ACTL8: variants seen among roughly 807,000 people sequenced by gnomAD.
ACTL8 encodes actin like 8, also known as actin-like protein 8.
In ACTL8, 3 loss-of-function variants were observed where a neutral mutation model predicts 9.3. The observed-to-expected ratio is 0.32, with a 90% CI of 0.15 to 0.83. ACTL8 has a LOEUF of 0.83. Ranked by LOEUF, ACTL8 falls within the 40% of genes least tolerant of loss-of-function variation. The pLI, the probability that ACTL8 is intolerant of heterozygous loss-of-function variation, is 0.57. For missense variants in ACTL8, 381 were observed against 492.2 expected (o/e 0.77, Z 2.14); for synonymous variants, 224 against 205.9 (o/e 1.09, Z -0.75).
At chr1:17,793,479 T>G (rs1278852709) in intron 1 of ACTL8, among the ~76,000 whole-genome samples, 1 of 152,228 alleles carries the variant, frequency 6.6e-6, no homozygotes, top group Non-Finnish European at 1.5e-5. Context: ...TCTCCTTTTT[T>G]TGAGCCTTAA....
Position 17,826,174 on chromosome 1 carries a change from G to A in ACTL8, c.756G>A (p.Gln252=), listed in dbSNP as rs759666029. The part of the protein sequence containing the change: ...DGSRVELTPM[Q]RVAPEMFFSP... ...CCCGCGTGGAGCTGACCCCCATGCA[G>A]CGGGTGGCTCCTGAGATGTTCTTTA... Residue 252 remains glutamine, a synonymous_variant, in exon 3 of 3, where the codon CAG becomes CAA. Coordinates refer to ENST00000375406, the MANE Select transcript of ACTL8 (RefSeq NM_030812.3). The surrounding 1 kb of genome is among the most constrained non-coding windows in gnomAD (Gnocchi z 4.5). 40 of 1,613,142 alleles carry A rather than the reference G, an allele frequency of 2.5e-5. No homozygotes were observed. Among genetic ancestry groups the A allele is most frequent in the Non-Finnish European group, 3.3e-5 (39 of 1,179,822 alleles).
At chr1:17,783,983 T>C (rs1401055232) in intron 1 of ACTL8, among the ~76,000 whole-genome samples, 1 of 152,230 alleles carries the variant, frequency 6.6e-6, no homozygotes, top group Non-Finnish European at 1.5e-5. Flanking sequence ...TTGGCCGAGC[T>C]GCTTAAGCAT....
intron 1 of ACTL8, among the ~76,000 whole-genome samples, chr1:17,811,790 G>A (rs749004775): frequency 7.0e-4 from 106 of 151,644 alleles, no homozygotes; most frequent in Non-Finnish European, 1.3e-3. Flanking sequence ...GTCTATTCTT[G>A]GACACTCTGT....
chr1:17,813,197 G>A (rs1430013721), intron 1 of ACTL8, among the ~76,000 whole-genome samples: 2 of 152,226 alleles, frequency 1.3e-5, no homozygotes, highest in African/African-American at 4.8e-5. Context: ...GCGTGGTGAG[G>A]ACTGACATCT....
chr1:17,800,640 G>T (rs1382749645), intron 1 of ACTL8, among the ~76,000 whole-genome samples: 1 of 143,440 alleles, frequency 7.0e-6, no homozygotes, highest in Non-Finnish European at 1.5e-5. Context: ...TTGTTGCCAG[G>T]GCTGGAGTGC....
At chr1:17,805,377 CTTTTT>C (rs56870755) in intron 1 of ACTL8, among the ~76,000 whole-genome samples, 26 of 100,170 alleles carry the variant, frequency 2.6e-4, no homozygotes, top group African/African-American at 7.6e-4. Flanking sequence ...TTTTCTTTTT[CTTTTT>C]TTTTTTTTTT....
At chr1:17,810,298 A>G (rs1300882982) in intron 1 of ACTL8, among the ~76,000 whole-genome samples, 1 of 152,136 alleles carries the variant, frequency 6.6e-6, no homozygotes, top group African/African-American at 2.4e-5. Context: ...TTTTGACCCC[A>G]TTTGCTTTGA....
intron 1 of ACTL8, among the ~76,000 whole-genome samples, chr1:17,756,360 C>T (rs1034046156): frequency 2.0e-5 from 3 of 151,692 alleles, no homozygotes; most frequent in Non-Finnish European, 4.4e-5. Context: ...TCCTTGAGAG[C>T]TTTGTCCAGC....
intron 1 of ACTL8, among the ~76,000 whole-genome samples, chr1:17,809,596 C>T (rs775738621): frequency 9.9e-5 from 15 of 152,232 alleles, no homozygotes; most frequent in Non-Finnish European, 1.9e-4. Context: ...CACCTCCTGT[C>T]AGATCAATGG....
intron 1 of ACTL8, among the ~76,000 whole-genome samples, chr1:17,765,960 G>A (rs185253899): frequency 2.7e-4 from 41 of 152,334 alleles, no homozygotes; most frequent in Admixed American, 1.0e-3. Flanking sequence ...AGGTTTTAGA[G>A]CAGCCAACTT....
intron 1 of ACTL8, among the ~76,000 whole-genome samples, chr1:17,765,063 A>T (rs941874027): frequency 6.6e-6 from 1 of 152,196 alleles, no homozygotes; most frequent in Non-Finnish European, 1.5e-5. Context: ...GTTGGAAGGG[A>T]TGCTGCTGGA....
intron 1 of ACTL8, among the ~76,000 whole-genome samples, chr1:17,819,119 C>T (rs2053624326): frequency 6.6e-6 from 1 of 152,218 alleles, no homozygotes; most frequent in Non-Finnish European, 1.5e-5. Context: ...CATCCCCTAC[C>T]CTTGCCATGC....
At chr1:17,759,280 G>C (rs12566337) in intron 1 of ACTL8, among the ~76,000 whole-genome samples, 1 of 152,344 alleles carries the variant, frequency 6.6e-6, no homozygotes, top group African/African-American at 2.4e-5. Flanking sequence ...AGAGGGCGCC[G>C]AGGAGCCTCT....
chr1:17,768,309 C>A, intron 1 of ACTL8, among the ~76,000 whole-genome samples: 1 of 83,014 alleles, frequency 1.2e-5, no homozygotes, highest in Admixed American at 1.6e-4. Context: ...GAGAGGGGAC[C>A]TAACTGGTGG....
intron 1 of ACTL8, among the ~76,000 whole-genome samples, chr1:17,807,664 A>G (rs574401352): frequency 6.6e-6 from 1 of 152,340 alleles, no homozygotes; most frequent in South Asian, 2.1e-4. Flanking sequence ...CTATGTAGCC[A>G]TAAAAAAGAA....
At chr1:17,789,085 A>G (rs2066219528) in intron 1 of ACTL8, among the ~76,000 whole-genome samples, 2 of 152,222 alleles carry the variant, frequency 1.3e-5, no homozygotes, top group South Asian at 4.1e-4. Flanking sequence ...GTGTTTAATG[A>G]TGTACATAAT....
intron 1 of ACTL8, among the ~76,000 whole-genome samples, chr1:17,792,007 CAACCCCATCAGG>C (rs2066243564): frequency 6.6e-6 from 1 of 152,214 alleles, no homozygotes; most frequent in African/African-American, 2.4e-5. Flanking sequence ...CCCCCCTCAT[CAACCCCATCAGG>C]AACCCTTATC....
Position 17,794,179 on chromosome 1 carries a change from C to T in ACTL8, c.-24-28806C>T, listed in dbSNP as rs578237804. On this transcript the variant is annotated intron_variant, in intron 1 of 2. Transcript: ENST00000375406. ...CAGTCGCTTGGCCAAGGCTGCTCAG[C>T]AGTGGAGAGTGGGTAATATCTGAAC... Among the ~76,000 whole-genome samples the T allele has an allele frequency of 7.2e-5, 11 of 152,284 alleles. No individual in the cohort carries two copies. The South Asian group carries it at 2.3e-3, about 32-fold the overall frequency.
At position 17,800,583 on chromosome 1, in the gene ACTL8, C is replaced by CTTTTTTT. The variant is rs59143238; in HGVS notation, c.-24-22381_-24-22375dup. 8.0e-4 allele frequency among the ~76,000 whole-genome samples: 55 copies of CTTTTTTT among 69,160 alleles called. 7 individuals are homozygous for CTTTTTTT. Among genetic ancestry groups the CTTTTTTT allele is most frequent in the South Asian group, 1.8e-3 (3 of 1,714 alleles). The allele number at this position is 69,160 out of a possible 152,430, so 45.4% of individuals were successfully genotyped here. On this transcript the variant is annotated intron_variant, in intron 1 of 2. Transcript: ENST00000375406. The stretch of plus-strand genomic sequence containing the variant: ...CAAACTTCCTTGCCTTGGTGTCAAT[C>CTTTTTTT]TTTTTTTTTTTTTTTTTTTTTTTTT...
Sources: allele counts gnomAD v4.1 joint callset (sites outside exome capture counted in the v4.1 genomes callset), GRCh38; gene constraint gnomAD v4.1.1; non-coding constraint Gnocchi (gnomAD v3.1); transcripts MANE v1.5; gene names NCBI Gene and HGNC (gene_info 2026-07-23, HGNC 2026-07-21).